Variants in PALM2AKAP2 observed in about 807,000 individuals in gnomAD.
PALM2AKAP2 encodes the protein PALM2 and AKAP2 fusion.
In PALM2AKAP2, 37 loss-of-function variants were observed where a neutral mutation model predicts 71.5. That is an observed-to-expected ratio of 0.52 (90% CI 0.40 to 0.68). PALM2AKAP2 has a LOEUF of 0.68. Among genes scored for constraint, PALM2AKAP2 ranks in the 30% least tolerant of loss-of-function variants. The pLI is 0.00. For missense variants in PALM2AKAP2, 1,224 were observed against 1,191.8 expected, an observed-to-expected ratio of 1.03 and a Z score of -0.40; for synonymous variants, 468 against 478.8, an observed-to-expected ratio of 0.98 and a Z score of 0.29.
intron 3 of PALM2AKAP2, among the ~76,000 whole-genome samples, chr9:109,881,164 G>C (rs11790778): frequency 0.65 from 98,539 of 152,060 alleles, 32,631 homozygotes; most frequent in East Asian, 0.85. Flanking sequence ...TGTTAGTTTG[G>C]TAAGGATAAT....
chr9:110,148,791 G>C (rs1431275713), intron 2 of PALM2AKAP2: 4 of 152,156 alleles, frequency 2.6e-5, no homozygotes, highest in Admixed American at 6.5e-5. Flanking sequence ...GGAAACAAAG[G>C]CTCTTTGATT....
chr9:110,012,081 G>A (rs775641270), intron 6 of PALM2AKAP2, among the ~76,000 whole-genome samples: 1 of 152,184 alleles, frequency 6.6e-6, no homozygotes, highest in Non-Finnish European at 1.5e-5. Context: ...GATCACTTGA[G>A]GTCAGGAGTT....
chr9:109,870,059 C>T (rs1017313237), intron 2 of PALM2AKAP2, among the ~76,000 whole-genome samples: 2 of 152,132 alleles, frequency 1.3e-5, no homozygotes, highest in African/African-American at 4.8e-5. Context: ...TGCAGAGAGA[C>T]CCCCAGCTTT....
chr9:109,853,397 A>G (rs2131633939), intron 1 of PALM2AKAP2, among the ~76,000 whole-genome samples: 1 of 152,298 alleles, frequency 6.6e-6, no homozygotes, highest in Middle Eastern at 3.4e-3. Context: ...ATTTTTTCTT[A>G]TAAAAGTGAG....
At position 110,136,370 on chromosome 9, in the gene PALM2AKAP2, CT is replaced by C; in HGVS notation, c.401del (p.Leu134ArgfsTer12). On this transcript the variant is annotated frameshift_variant, in exon 2 of 4. Coordinates refer to ENST00000374525, the Ensembl canonical transcript of PALM2AKAP2. LOFTEE classifies it high-confidence loss of function. ...CCTCCTTACTGATCACCACGAATCCCTGGATAATGATGTTGCCAGAGAGATC... is the reference window on the plus strand; with the variant it reads ...CCTCCTTACTGATCACCACGAATCCCGGATAATGATGTTGCCAGAGAGATC... The C allele has an allele frequency of 1.2e-6, 2 of 1,614,224 alleles. No individual in the cohort carries two copies. The highest frequency in any genetic ancestry group is 1.7e-6 in the Non-Finnish European group (2 of 1,180,040).
chr9:110,013,388 A>G (rs1204618228), intron 6 of PALM2AKAP2, among the ~76,000 whole-genome samples: 2 of 152,176 alleles, frequency 1.3e-5, no homozygotes, highest in African/African-American at 4.8e-5. Flanking sequence ...CATGCCCAAC[A>G]TCTGTGTCTC....
chr9:110,039,463 C>T (rs1421700663), intron 7 of PALM2AKAP2, among the ~76,000 whole-genome samples: 1 of 151,844 alleles, frequency 6.6e-6, no homozygotes, highest in Non-Finnish European at 1.5e-5. Context: ...GGAGGGATGG[C>T]GAGGCTGAGC....
chr9:109,935,335 A>G (rs919422475), intron 6 of PALM2AKAP2, among the ~76,000 whole-genome samples: 1 of 152,236 alleles, frequency 6.6e-6, no homozygotes, highest in Non-Finnish European at 1.5e-5. Context: ...AACCAAAGTC[A>G]GAGCCCTGTG....
At chr9:109,805,812 A>G (rs1011357232) in intron 1 of PALM2AKAP2, among the ~76,000 whole-genome samples, 2 of 152,244 alleles carry the variant, frequency 1.3e-5, no homozygotes, top group African/African-American at 4.8e-5. Flanking sequence ...AAATTAGGAT[A>G]CATTTGCTAA....
At chr9:109,956,149 C>T (rs534026490) in intron 6 of PALM2AKAP2, among the ~76,000 whole-genome samples, 6 of 151,618 alleles carry the variant, frequency 4.0e-5, no homozygotes, top group East Asian at 3.9e-4. Context: ...GGATTACAGG[C>T]GCATGCCACC....
chr9:109,808,646 C>G (rs1827642626), intron 1 of PALM2AKAP2, among the ~76,000 whole-genome samples: 1 of 152,210 alleles, frequency 6.6e-6, no homozygotes, highest in Non-Finnish European at 1.5e-5. Flanking sequence ...AAGAGAAATT[C>G]AAGCCAGCTG....
chr9:109,655,865 T>C (rs1322945908), intron 1 of PALM2AKAP2, among the ~76,000 whole-genome samples: 1 of 152,232 alleles, frequency 6.6e-6, no homozygotes, highest in South Asian at 2.1e-4. Flanking sequence ...TTTCCCCCTT[T>C]TGGGTATCAT....
intron 1 of PALM2AKAP2, among the ~76,000 whole-genome samples, chr9:109,859,030 C>T (rs190982374): frequency 4.6e-5 from 7 of 152,286 alleles, no homozygotes; most frequent in African/African-American, 1.7e-4. Flanking sequence ...GTGCATTTGA[C>T]TTGGCACTAA....
intron 1 of PALM2AKAP2, among the ~76,000 whole-genome samples, chr9:109,756,279 A>G (rs1828962606): frequency 6.6e-6 from 1 of 152,168 alleles, no homozygotes; most frequent in Admixed American, 6.5e-5. Context: ...TTCTTTGGAT[A>G]TCTGTGAAAT....
chr9:109,793,522 C>T (rs551217450), intron 1 of PALM2AKAP2, among the ~76,000 whole-genome samples: 12 of 152,258 alleles, frequency 7.9e-5, no homozygotes, highest in Non-Finnish European at 1.8e-4. Context: ...GGTGTGATGG[C>T]TGATTTATTT....
At chr9:110,042,283 G>C (rs1223624445) in intron 7 of PALM2AKAP2, among the ~76,000 whole-genome samples, 2 of 152,156 alleles carry the variant, frequency 1.3e-5, no homozygotes, top group Non-Finnish European at 2.9e-5. Context: ...AAAATTAGCT[G>C]GGCATGGTGG....
At chr9:109,744,345 A>C (rs2118693783) in intron 1 of PALM2AKAP2, among the ~76,000 whole-genome samples, 1 of 152,350 alleles carries the variant, frequency 6.6e-6, no homozygotes, top group African/African-American at 2.4e-5. Context: ...TCTGTACTAA[A>C]ACAAAGAATA....
At chr9:109,720,440 G>A (rs1427781685) in intron 1 of PALM2AKAP2, among the ~76,000 whole-genome samples, 2 of 152,170 alleles carry the variant, frequency 1.3e-5, no homozygotes, top group Non-Finnish European at 1.5e-5. Flanking sequence ...TGAGACTATT[G>A]GTAGATCCTC....
intron 6 of PALM2AKAP2, among the ~76,000 whole-genome samples, chr9:109,946,940 A>T (rs1052782994): frequency 1.3e-5 from 2 of 152,184 alleles, no homozygotes; most frequent in African/African-American, 4.8e-5. Flanking sequence ...AGACAAACTA[A>T]GGGGAATTTT....
Sources: gnomAD v4.1 joint callset for allele counts (sites outside exome capture counted in the v4.1 genomes callset) on GRCh38, gnomAD v4.1.1 for gene constraint, MANE v1.5 for transcripts, NCBI Gene and HGNC (gene_info 2026-07-23, HGNC 2026-07-21) for gene names.